The following NAPEPLD variants were observed in gnomAD, a reference collection of about 807,000 sequenced individuals.
NAPEPLD encodes the protein N-acyl-phosphatidylethanolamine-hydrolyzing phospholipase D.
In NAPEPLD, 23 loss-of-function variants were observed where a neutral mutation model predicts 38.1. The observed-to-expected ratio is 0.60, with a 90% CI of 0.43 to 0.86. The LOEUF (loss-of-function observed/expected upper bound fraction) is 0.86, where lower values mean the gene tolerates loss of function less well. Ranked by LOEUF, NAPEPLD falls within the 40% of genes least tolerant of loss-of-function variation. The probability of loss-of-function intolerance (pLI) is 0.00; values close to 1 mark genes in which losing one functional copy is unlikely to be tolerated. For missense variants in NAPEPLD, 411 were observed against 476.8 expected (o/e 0.86, Z 1.28); for synonymous variants, 147 against 162.0 (o/e 0.91, Z 0.71).
rs1359018571 is a variant in NAPEPLD at position 103,102,727 on chromosome 7, T to TG, written c.*701dup. 1 of 152,468 alleles carries TG rather than the reference T, an allele frequency of 6.6e-6. No individual in the cohort carries two copies. The highest frequency in any genetic ancestry group is 6.6e-5 in the Admixed American group (1 of 15,264). 9.4% of individuals were successfully genotyped at this position (152,468 alleles called of 1,614,324 possible). On this transcript the variant is annotated 3_prime_UTR_variant, in exon 5 of 5. Coordinates refer to ENST00000465647, the MANE Select transcript of NAPEPLD (RefSeq NM_001122838.3). ...TAAAAATTTAAGTGAATGGTGGTCATGGGTGCATTAATGCGAAAGAACTGT... is the reference window on the plus strand; with the variant it reads ...TAAAAATTTAAGTGAATGGTGGTCATGGGGTGCATTAATGCGAAAGAACTGT...
chr7:103,140,527 G>A (rs1423959014), intron 1 of NAPEPLD, among the ~76,000 whole-genome samples: 2 of 151,638 alleles, frequency 1.3e-5, no homozygotes, highest in Non-Finnish European at 1.5e-5. Flanking sequence ...CAAGTGGCTG[G>A]GACTACAGGA....
At chr7:103,111,417 G>C (rs1163066528) in intron 4 of NAPEPLD, among the ~76,000 whole-genome samples, 2 of 152,132 alleles carry the variant, frequency 1.3e-5, no homozygotes, top group Non-Finnish European at 2.9e-5. Context: ...CAGATATATA[G>C]ACCAATGGAA....
At chr7:103,124,453 C>T (rs541918400) in intron 2 of NAPEPLD, among the ~76,000 whole-genome samples, 18 of 151,022 alleles carry the variant, frequency 1.2e-4, no homozygotes, top group Middle Eastern at 3.4e-3. Flanking sequence ...AGCAAAACTC[C>T]GTCTTAGAAA....
chr7:103,130,832 A>T (rs546484601), intron 1 of NAPEPLD, among the ~76,000 whole-genome samples: 9 of 152,110 alleles, frequency 5.9e-5, no homozygotes, highest in Non-Finnish European at 7.4e-5. Context: ...CCTGGGCTCA[A>T]GCAATCTGCT....
At position 103,119,953 on chromosome 7, in the gene NAPEPLD, C is replaced by G; in HGVS notation, c.565G>C (p.Asp189His). 6.2e-7 allele frequency: 1 copy of G among 1,614,210 alleles called. No homozygotes were observed. Among genetic ancestry groups the G allele is most frequent in the Non-Finnish European group, 8.5e-7 (1 of 1,180,042 alleles). The part of the protein sequence containing the change: ...DAVLISHNHY[D>H]HLDYNSVIAL... ...ATGACAGAATTGTAGTCCAGATGGTCATAGTGGTTGTGACTGATAAGGACC... is the reference window on the plus strand; with the variant it reads ...ATGACAGAATTGTAGTCCAGATGGTGATAGTGGTTGTGACTGATAAGGACC... The change falls in exon 3 of 5, where the codon GAC (aspartate) becomes CAC (histidine). Residue 189 changes from aspartate to histidine, a missense_variant. Transcript: ENST00000465647.
At chr7:103,106,728 T>TGA (rs1554532190) in intron 4 of NAPEPLD, among the ~76,000 whole-genome samples, 1 of 147,826 alleles carries the variant, frequency 6.8e-6, no homozygotes, top group East Asian at 2.0e-4. Context: ...AGGGCATCTC[T>TGA]AAAAAAAAAA....
chr7:103,138,081 G>A (rs942409590), intron 1 of NAPEPLD, among the ~76,000 whole-genome samples: 8 of 150,760 alleles, frequency 5.3e-5, no homozygotes, highest in African/African-American at 9.7e-5. Flanking sequence ...AGGTTCAACC[G>A]ATTCTCGTGC....
rs1391458612 is a variant in NAPEPLD at position 103,128,589 on chromosome 7, C to T, written c.188G>A (p.Gly63Glu). 1.2e-6 allele frequency: 2 copies of T among 1,614,158 alleles called. No homozygotes were observed. The highest frequency in any genetic ancestry group is 1.7e-6 in the Non-Finnish European group (2 of 1,180,020). ...DVTKSKKGKDGRFVNPWPTWK... is the reference protein window; with the variant it reads ...DVTKSKKGKDERFVNPWPTWK... ...TGTTGGCCACGGATTCACAAATCTC[C>T]CATCTTTTCCTTTCTTGGATTTAGT... Residue 63 changes from glycine (G) to glutamate (E), a missense_variant, in exon 2 of 5, where the codon GGG (glycine) becomes GAG (glutamate). By Grantham distance (98) the Gly-to-Glu change is moderately conservative. Coordinates refer to ENST00000465647, the MANE Select transcript of NAPEPLD (RefSeq NM_001122838.3).
chr7:103,143,072 CAAAAAAACA>C (rs1563373822), intron 1 of NAPEPLD, among the ~76,000 whole-genome samples: 14 of 33,232 alleles, frequency 4.2e-4, no homozygotes, highest in South Asian at 0.019. Flanking sequence ...AAAAAAAAAA[CAAAAAAACA>C]AAAAAACAAA....
intron 4 of NAPEPLD, among the ~76,000 whole-genome samples, chr7:103,113,076 T>C (rs887219732): frequency 6.6e-6 from 1 of 152,220 alleles, no homozygotes; most frequent in African/African-American, 2.4e-5. Flanking sequence ...GGAGTCAACC[T>C]TGATTCCTTT....
intron 3 of NAPEPLD, among the ~76,000 whole-genome samples, chr7:103,117,339 G>T (rs935374987): frequency 2.6e-5 from 4 of 152,216 alleles, no homozygotes; most frequent in African/African-American, 7.2e-5. Flanking sequence ...TTCAGGGAAA[G>T]ATGAAAATGG....
rs915349436 is a variant in NAPEPLD at position 103,102,547 on chromosome 7, T to C, written c.*882A>G. The C allele has an allele frequency of 6.6e-6, 1 of 151,802 alleles. No homozygotes were observed. Among genetic ancestry groups the C allele is most frequent in the Non-Finnish European group, 1.5e-5 (1 of 67,986 alleles). 9.4% of individuals were successfully genotyped at this position (151,802 alleles called of 1,614,324 possible). On this transcript the variant is annotated 3_prime_UTR_variant, in exon 5 of 5. Transcript: ENST00000465647. The stretch of plus-strand genomic sequence containing the variant: ...TTCCGAGAGAGACGGGAGGTCACCA[T>C]GTTGCCCAGGTTGATGTCAAACTCC...
At chr7:103,106,737 A>AAAG (rs143052443) in intron 4 of NAPEPLD, among the ~76,000 whole-genome samples, 1 of 150,874 alleles carries the variant, frequency 6.6e-6, no homozygotes, top group East Asian at 1.9e-4. Context: ...CTAAAAAAAA[A>AAAG]AGGCAGCACC....
intron 1 of NAPEPLD, among the ~76,000 whole-genome samples, chr7:103,131,334 A>G (rs1406175082): frequency 6.6e-6 from 1 of 152,186 alleles, no homozygotes; most frequent in Non-Finnish European, 1.5e-5. Flanking sequence ...TTTGAACAAC[A>G]TCTAGTGGTC....
intron 2 of NAPEPLD, among the ~76,000 whole-genome samples, chr7:103,123,336 G>T (rs559968016): frequency 6.6e-6 from 1 of 152,310 alleles, no homozygotes; most frequent in East Asian, 1.9e-4. Context: ...AAAATTTGTT[G>T]AATGGATGAG....
Position 103,128,664 on chromosome 7 carries a change from C to G in NAPEPLD, c.113G>C (p.Arg38Thr). ...ARNSGASDSSRFSRKSFKLDY... is the reference protein window; with the variant it reads ...ARNSGASDSSTFSRKSFKLDY... ...CAGTTTGAAGCTTTTCCTAGAAAACCTAGAAGAATCACTTGCTCCGGAATT... is the reference window on the plus strand; with the variant it reads ...CAGTTTGAAGCTTTTCCTAGAAAACGTAGAAGAATCACTTGCTCCGGAATT... The change falls in exon 2 of 5, where the codon AGG (arginine) becomes ACG (threonine). Residue 38 changes from arginine to threonine, a missense_variant. Physicochemically the swap from Arg to Thr is moderately conservative, Grantham distance 71. Transcript: ENST00000465647. 3 of 1,614,102 alleles carry G rather than the reference C, an allele frequency of 1.9e-6. No homozygotes were observed. The highest frequency in any genetic ancestry group is 8.5e-7 in the Non-Finnish European group (1 of 1,180,014).
chr7:103,133,810 C>T (rs913903226), intron 1 of NAPEPLD, among the ~76,000 whole-genome samples: 6 of 152,186 alleles, frequency 3.9e-5, no homozygotes, highest in African/African-American at 1.4e-4. Context: ...CCAACACCAA[C>T]TGAAAGTAGA....
chr7:103,116,205 G>A (rs1805538235), intron 3 of NAPEPLD, among the ~76,000 whole-genome samples: 1 of 152,062 alleles, frequency 6.6e-6, no homozygotes, highest in Admixed American at 6.6e-5. Context: ...GGGACTATAG[G>A]CACGTACCAC....
chr7:103,135,879 T>C (rs564257890), intron 1 of NAPEPLD, among the ~76,000 whole-genome samples: 1 of 152,278 alleles, frequency 6.6e-6, no homozygotes, highest in South Asian at 2.1e-4. Flanking sequence ...TCAGCCTCTC[T>C]AAACTTGGGC....
Sources: gnomAD v4.1 joint callset for allele counts (sites outside exome capture counted in the v4.1 genomes callset) on GRCh38, gnomAD v4.1.1 for gene constraint, MANE v1.5 for transcripts, NCBI Gene and HGNC (gene_info 2026-07-23, HGNC 2026-07-21) for gene names.